The following ST6GALNAC1 variants were observed in gnomAD, a reference collection of about 807,000 sequenced individuals.
The protein encoded by ST6GALNAC1 is ST6 N-acetylgalactosaminide alpha-2,6-sialyltransferase 1, also known as alpha-N-acetylgalactosaminide alpha-2,6-sialyltransferase 1.
ST6GALNAC1 carries 45 observed loss-of-function variants against 56.8 expected under a neutral mutation model. The observed-to-expected ratio is 0.79, with a 90% CI of 0.62 to 1.02. The LOEUF (loss-of-function observed/expected upper bound fraction) is 1.02, where lower values mean the gene tolerates loss of function less well. Ranked by LOEUF, ST6GALNAC1 falls within the 50% of genes least tolerant of loss-of-function variation. The probability of loss-of-function intolerance (pLI) is 0.00; values close to 1 mark genes in which losing one functional copy is unlikely to be tolerated. For synonymous variants in ST6GALNAC1, 295 were observed against 297.8 expected, an observed-to-expected ratio of 0.99 and a Z score of 0.10; for missense variants, 743 against 754.8, an observed-to-expected ratio of 0.98 and a Z score of 0.18.
intron 2 of ST6GALNAC1, among the ~76,000 whole-genome samples, chr17:76,628,314 C>T (rs1169275925): frequency 2.1e-5 from 3 of 139,946 alleles, no homozygotes; most frequent in African/African-American, 7.8e-5. Context: ...TTCCTTCCGA[C>T]AGGGTCTCAC....
At chr17:76,632,701 A>G (rs1210689924) in intron 1 of ST6GALNAC1, among the ~76,000 whole-genome samples, 1 of 152,156 alleles carries the variant, frequency 6.6e-6, no homozygotes, top group Admixed American at 6.5e-5. Context: ...TTGTATCCAT[A>G]TGCTGAGTGC....
In ST6GALNAC1 at chr17:76,625,501, C is replaced by G. The variant is rs566898658; in HGVS notation, c.1632G>C (p.Glu544Asp). ...AGTGATCAGAAAAGCGCTCATGGCC[C>G]TCAGTGATGAAGCCATAAGCACTCA... ...DQVSAYGFIT[E>D]GHERFSDHYY... is the part of the protein sequence containing the mutation. The change falls in exon 9 of 9, where the codon GAG (glutamate) becomes GAC (aspartate). Residue 544 changes from glutamate (E) to aspartate (D), a missense_variant. Coordinates refer to ENST00000156626, the MANE Select transcript of ST6GALNAC1 (RefSeq NM_018414.5). 3.1e-6 allele frequency: 5 copies of G among 1,614,062 alleles called. No individual in the cohort carries two copies. The South Asian group carries it at 4.4e-5, about 14-fold the overall frequency.
chr17:76,627,195 C>A lies in ST6GALNAC1; in HGVS notation c.1044G>T (p.Gln348His). ...VVTRFPPVPQ[Q>H]QLLLASLPAG... ...CGGGGAGGCTGGCCAGGAGCAGCTG[C>A]TGCTGGGGCACTGGAGGGAAGCGTG... The change falls in exon 4 of 9, where the codon CAG (glutamine) becomes CAT (histidine). Residue 348 changes from glutamine (Q) to histidine (H), a missense_variant. Coordinates refer to ENST00000156626, the MANE Select transcript of ST6GALNAC1 (RefSeq NM_018414.5). The surrounding 1 kb of genome is among the most constrained non-coding windows in gnomAD (Gnocchi z 4.4). The A allele has an allele frequency of 6.3e-7, 1 of 1,597,244 alleles. No homozygotes were observed. Among genetic ancestry groups the A allele is most frequent in the Non-Finnish European group, 8.5e-7 (1 of 1,171,444 alleles).
At chr17:76,637,845 T>G (rs2075998091) in intron 1 of ST6GALNAC1, 2 of 395,022 alleles carry the variant, frequency 5.1e-6, no homozygotes, top group African/African-American at 4.1e-5. Flanking sequence ...GTTCTTTTCT[T>G]TTTGGACACA....
intron 1 of ST6GALNAC1, 63 bp downstream of exon 1, chr17:76,643,445 C>T: frequency 3.2e-6 from 5 of 1,583,994 alleles, no homozygotes; most frequent in South Asian, 2.3e-5. Flanking sequence ...CCTCCCTGGG[C>T]TATCATTTTT....
Position 76,627,213 on chromosome 17 carries a change from G to A in ST6GALNAC1, c.1026C>T (p.Phe342=). ...YSLVQKVVTR[F]PPVPQQQLLL... ...GCAGCTGCTGCTGGGGCACTGGAGG[G>A]AAGCGTGTCACGACCTTCTGCACCA... Residue 342 remains phenylalanine (F), a synonymous_variant, in exon 4 of 9, where the codon TTC becomes TTT. Coordinates refer to ENST00000156626, the MANE Select transcript of ST6GALNAC1 (RefSeq NM_018414.5). The surrounding 1 kb of genome is among the most constrained non-coding windows in gnomAD (Gnocchi z 4.4). The A allele has an allele frequency of 6.3e-7, 1 of 1,581,676 alleles. No individual in the cohort carries two copies. Among genetic ancestry groups the A allele is most frequent in the South Asian group, 1.2e-5 (1 of 85,172 alleles).
intron 2 of ST6GALNAC1, 59 bp downstream of exon 2, chr17:76,628,953 C>A: frequency 6.8e-7 from 1 of 1,475,776 alleles, no homozygotes; most frequent in Non-Finnish European, 9.1e-7. Flanking sequence ...GCTGGGCTTC[C>A]TCTCAGGAGG....
chr17:76,627,549 T>C lies in ST6GALNAC1; in HGVS notation c.866A>G (p.Lys289Arg). 2 of 1,614,154 alleles carry C rather than the reference T, an allele frequency of 1.2e-6. No homozygotes were observed. The highest frequency in any genetic ancestry group is 1.7e-6 in the Non-Finnish European group (2 of 1,180,030). The change falls in exon 3 of 9, where the codon AAG (lysine) becomes AGG (arginine). Residue 289 changes from lysine (K) to arginine (R), a missense_variant. Physicochemically the swap from Lys to Arg is conservative, Grantham distance 26 (BLOSUM62 2). Transcript: ENST00000156626. This position sits in a 1 kb window ranked among gnomAD's most constrained non-coding sequence, Gnocchi z 4.4. ...CPDSVKIKAS[K>R]SLWLQKLFLP... Reference sequence around the variant, plus strand: ...AAAGAGTTTCTGGAGCCACAGCGACTTGGAGGCTTTGATCTTCACAGAGTC... The same window carrying C: ...AAAGAGTTTCTGGAGCCACAGCGACCTGGAGGCTTTGATCTTCACAGAGTC...
At chr17:76,637,572 CA>C (rs1013262530) in intron 1 of ST6GALNAC1, 4 of 396,136 alleles carry the variant, frequency 1.0e-5, no homozygotes, top group Non-Finnish European at 1.3e-5. Context: ...AAAAACAGAA[CA>C]AAAAAAACCC....
At chr17:76,626,833 G>A (rs776812735) in intron 4 of ST6GALNAC1, 44 bp from the exon 5 acceptor site, 24 of 1,609,564 alleles carry the variant, frequency 1.5e-5, no homozygotes, top group Non-Finnish European at 2.0e-5. Flanking sequence ...GAGCAGAGGA[G>A]GGAGATTTGT....
rs184364706 is a variant in ST6GALNAC1, at chr17:76,626,895, G to A, written c.1173-106C>T. On this transcript the variant is annotated intron_variant, in intron 4 of 8. Transcript: ENST00000156626. ...AATGGGGGAGGCAGCAGTTATGTGCGGAAATTCTCTCGAGAGCCCAGGAAT... is the reference window on the plus strand; with the variant it reads ...AATGGGGGAGGCAGCAGTTATGTGCAGAAATTCTCTCGAGAGCCCAGGAAT... The A allele has an allele frequency of 3.7e-5, 56 of 1,521,850 alleles. No homozygotes were observed. In the African/African-American group the frequency reaches 5.3e-4, roughly 15 times the overall value. 94.3% of individuals were successfully genotyped at this position (1,521,850 alleles called of 1,614,324 possible).
intron 1 of ST6GALNAC1, among the ~76,000 whole-genome samples, chr17:76,632,295 CAGGCACCTTAACTTGGCCGT>C (rs544291553): frequency 6.1e-4 from 93 of 152,292 alleles, no homozygotes; most frequent in South Asian, 3.7e-3. Context: ...GCCTGGCTGG[CAGGCACCTTAACTTGGCCGT>C]GGCGGGGAGA....
intron 2 of ST6GALNAC1, 123 bp downstream of exon 2, chr17:76,628,889 G>T: frequency 1.1e-6 from 1 of 892,040 alleles, no homozygotes; most frequent in Non-Finnish European, 1.7e-6. Flanking sequence ...AATGAGCTTG[G>T]GGCAGGACAA....
At chr17:76,642,253 A>G (rs182078896) in intron 1 of ST6GALNAC1, among the ~76,000 whole-genome samples, 57 of 150,156 alleles carry the variant, frequency 3.8e-4, no homozygotes, top group Non-Finnish European at 5.8e-4. Context: ...TCATCTATCT[A>G]TCGGGCTTGT....
chr17:76,642,777 A>G (rs964377406), intron 1 of ST6GALNAC1, among the ~76,000 whole-genome samples: 4 of 152,134 alleles, frequency 2.6e-5, no homozygotes, highest in African/African-American at 4.8e-5. Flanking sequence ...CTAAAAATAC[A>G]AAAACTTAGC....
chr17:76,626,706 G>A lies in ST6GALNAC1; in HGVS notation c.1256C>T (p.Thr419Ile). The A allele has an allele frequency of 6.2e-7, 1 of 1,614,238 alleles. No homozygotes were observed. Among genetic ancestry groups the A allele is most frequent in the South Asian group, 1.1e-5 (1 of 91,086 alleles). ...ATTGCCCAATATAAGGAGTGACTGG[G>A]TCAGGGAGAAGGCGGTAAAGCCGTA... ...SFYGFTAFSL[T>I]QSLLILGNRG... The change falls in exon 5 of 9, where the codon ACC (threonine) becomes ATC (isoleucine). Residue 419 changes from threonine (T) to isoleucine (I), a missense_variant. Physicochemically the swap from Thr to Ile is moderately conservative, Grantham distance 89 (BLOSUM62 -1). Transcript: ENST00000156626.
Position 76,627,296 on chromosome 17 carries a change from C to G in ST6GALNAC1, c.1001-58G>C, listed in dbSNP as rs1041698292. 3.9e-6 allele frequency: 6 copies of G among 1,555,598 alleles called. No individual in the cohort carries two copies. The highest frequency in any genetic ancestry group is 5.2e-6 in the Non-Finnish European group (6 of 1,149,978). ...CCCTGGGAGGGACAGGAGTCCGACCCATCATTCCTCCCAGGTCTGGCAAAC... is the reference window on the plus strand; with the variant it reads ...CCCTGGGAGGGACAGGAGTCCGACCGATCATTCCTCCCAGGTCTGGCAAAC... On this transcript the variant is annotated intron_variant, in intron 3 of 8. Transcript: ENST00000156626. This position sits in a 1 kb window ranked among gnomAD's most constrained non-coding sequence, Gnocchi z 4.4.
chr17:76,624,144 C>A (rs1168917399), downstream of ST6GALNAC1, among the ~76,000 whole-genome samples: 1 of 152,230 alleles, frequency 6.6e-6, no homozygotes, highest in Non-Finnish European at 1.5e-5. Flanking sequence ...TCCCCTCCTT[C>A]CCTAACCATG....
At position 76,627,342 on chromosome 17, in the gene ST6GALNAC1, G is replaced by A. The variant is rs1454107509; in HGVS notation, c.1000+73C>T. 6.4e-7 allele frequency: 1 copy of A among 1,559,008 alleles called. No individual in the cohort carries two copies. Among genetic ancestry groups the A allele is most frequent in the Non-Finnish European group, 8.7e-7 (1 of 1,144,902 alleles). On this transcript the variant is annotated intron_variant, in intron 3 of 8. Transcript: ENST00000156626. The surrounding 1 kb of genome is among the most constrained non-coding windows in gnomAD (Gnocchi z 4.4). Reference sequence around the variant, plus strand: ...CAAACCCCAGGGAAGAGGCAGACCAGAAAGCCAGCTGCCCTCTGCCCTCTG... The same window carrying A: ...CAAACCCCAGGGAAGAGGCAGACCAAAAAGCCAGCTGCCCTCTGCCCTCTG...
Sources: gnomAD v4.1 joint callset for allele counts (sites outside exome capture counted in the v4.1 genomes callset) on GRCh38, gnomAD v4.1.1 for gene constraint, Gnocchi (gnomAD v3.1) non-coding constraint, MANE v1.5 for transcripts, NCBI Gene and HGNC (gene_info 2026-07-23, HGNC 2026-07-21) for gene names.